The following ZNF438 variants were observed in gnomAD, a reference collection of about 807,000 sequenced individuals.
ZNF438 encodes zinc finger protein 438.
In ZNF438, 25 loss-of-function variants were observed where a neutral mutation model predicts 38.0. The observed-to-expected ratio is 0.66, with a 90% CI of 0.48 to 0.92. The LOEUF (loss-of-function observed/expected upper bound fraction) is 0.92. Ranked by LOEUF, ZNF438 falls within the 40% of genes least tolerant of loss-of-function variation. The pLI is 0.00. For synonymous variants in ZNF438, 372 were observed against 364.1 expected, an observed-to-expected ratio of 1.02 and a Z score of -0.25; for missense variants, 1,007 against 999.6, an observed-to-expected ratio of 1.01 and a Z score of -0.10.
At chr10:30,973,277 C>T (rs2050951635) in intron 1 of ZNF438, among the ~76,000 whole-genome samples, 1 of 152,172 alleles carries the variant, frequency 6.6e-6, no homozygotes, top group African/African-American at 2.4e-5. Flanking sequence ...TCATATCCCT[C>T]AGGACTATAA....
intron 1 of ZNF438, among the ~76,000 whole-genome samples, chr10:31,018,201 C>T (rs1427056462): frequency 6.6e-6 from 1 of 152,208 alleles, no homozygotes; most frequent in Non-Finnish European, 1.5e-5. Context: ...TTTTCCAACA[C>T]TGCAATGCCC....
exon 5 of ZNF438, chr10:30,848,591 G>A (rs759437422): frequency 6.2e-7 from 1 of 1,613,754 alleles, no homozygotes; most frequent in African/African-American, 1.3e-5. Flanking sequence ...TATGTCTCCT[G>A]GCTGCAGTTC....
chr10:30,914,491 A>G (rs2043393906), intron 2 of ZNF438, among the ~76,000 whole-genome samples: 1 of 152,068 alleles, frequency 6.6e-6, no homozygotes, highest in Admixed American at 6.6e-5. Flanking sequence ...GAAAATCTGA[A>G]TAAGATCTAG....
rs371743569 is a variant in ZNF438, at chr10:30,849,193, G to A, written c.1212C>T (p.Ile404=). The A allele has an allele frequency of 7.6e-5, 123 of 1,613,970 alleles. 1 individual carries two copies. The highest frequency in any genetic ancestry group is 4.9e-4 in the Middle Eastern group (3 of 6,062). Residue 404 remains isoleucine, a synonymous_variant, in exon 5 of 6, where the codon ATC becomes ATT. Coordinates refer to ENST00000413025, the Ensembl canonical transcript of ZNF438. ...CTTTACCATCTCTACACTTATTAAT[G>A]ATATATTTCCTCCTTTTTCCCTGAA...
intron 1 of ZNF438, among the ~76,000 whole-genome samples, chr10:30,942,981 G>A (rs573783597): frequency 1.3e-5 from 2 of 152,294 alleles, no homozygotes; most frequent in Admixed American, 1.3e-4. Flanking sequence ...TTTCAGAAAG[G>A]CAATAAAAGT....
chr10:30,962,672 T>C (rs10826898), intron 1 of ZNF438, among the ~76,000 whole-genome samples: 67,522 of 146,332 alleles, frequency 0.46, 19,713 homozygotes, highest in Non-Finnish European at 0.52. Flanking sequence ...TCTAGGTCTT[T>C]ACAAAAATAC....
intron 1 of ZNF438, among the ~76,000 whole-genome samples, chr10:30,969,521 A>G (rs2136197658): frequency 6.6e-6 from 1 of 152,366 alleles, no homozygotes; most frequent in African/African-American, 2.4e-5. Flanking sequence ...TAATACTTAT[A>G]TTAGGAAAAC....
intron 1 of ZNF438, among the ~76,000 whole-genome samples, chr10:31,005,304 TAC>T (rs2055021501): frequency 6.6e-6 from 1 of 152,202 alleles, no homozygotes. Context: ...TACATGCACG[TAC>T]GTAAATGGAA....
At chr10:30,967,113 T>C (rs2050205930) in intron 1 of ZNF438, among the ~76,000 whole-genome samples, 1 of 152,206 alleles carries the variant, frequency 6.6e-6, no homozygotes, top group Non-Finnish European at 1.5e-5. Flanking sequence ...GCAAAAGTAC[T>C]CCTTTTCCCT....
intron 1 of ZNF438, among the ~76,000 whole-genome samples, chr10:30,972,589 G>A (rs1163281035): frequency 6.6e-6 from 1 of 152,118 alleles, no homozygotes; most frequent in Non-Finnish European, 1.5e-5. Flanking sequence ...GCTCAGGCAT[G>A]GAGGTAAGCC....
intron 1 of ZNF438, among the ~76,000 whole-genome samples, chr10:31,004,115 T>C (rs1222612791): frequency 6.6e-6 from 1 of 152,088 alleles, no homozygotes; most frequent in Non-Finnish European, 1.5e-5. Context: ...GACATTTTGA[T>C]TGTCACAATA....
chr10:30,942,813 G>C (rs2046957929), intron 1 of ZNF438, among the ~76,000 whole-genome samples: 1 of 152,150 alleles, frequency 6.6e-6, no homozygotes, highest in Admixed American at 6.5e-5. Flanking sequence ...TAAGTCAATA[G>C]AACAGTTTGC....
chr10:30,982,615 T>A (rs1026795467), intron 1 of ZNF438, among the ~76,000 whole-genome samples: 10 of 152,182 alleles, frequency 6.6e-5, no homozygotes, highest in African/African-American at 2.2e-4. Flanking sequence ...AGTGTCTATA[T>A]CCTTTAAGTA....
At chr10:30,980,770 G>A (rs960297128) in intron 1 of ZNF438, among the ~76,000 whole-genome samples, 4 of 152,180 alleles carry the variant, frequency 2.6e-5, no homozygotes, top group African/African-American at 7.2e-5. Context: ...CCTGAGAAAT[G>A]TCAACTTTTA....
chr10:30,927,434 G>T (rs554689736), intron 2 of ZNF438, among the ~76,000 whole-genome samples: 1 of 152,300 alleles, frequency 6.6e-6, no homozygotes, highest in South Asian at 2.1e-4. Context: ...GCAGAATCAG[G>T]TCCTGAGAAC....
intron 4 of ZNF438, among the ~76,000 whole-genome samples, chr10:30,866,161 T>C (rs1316411058): frequency 2.0e-5 from 3 of 152,218 alleles, no homozygotes; most frequent in Non-Finnish European, 4.4e-5. Flanking sequence ...GCCTTTTTAA[T>C]ATTCTGTGAT....
rs1016626523 is a variant in ZNF438, at chr10:30,962,635, G to A, written c.-191-20984C>T. ...GCAAACCACCAAAACCTTTAATCACGGATCACTTAGTAATATCTTGAAAGA... is the reference window on the plus strand; with the variant it reads ...GCAAACCACCAAAACCTTTAATCACAGATCACTTAGTAATATCTTGAAAGA... On this transcript the variant is annotated intron_variant, in intron 1 of 5. Coordinates refer to ENST00000413025, the Ensembl canonical transcript of ZNF438. Among the ~76,000 whole-genome samples, 9 of 147,104 alleles carry A rather than the reference G, an allele frequency of 6.1e-5. 3 individuals are homozygous for A. The highest frequency in any genetic ancestry group is 1.5e-5 in the Non-Finnish European group (1 of 64,938).
exon 4 of ZNF438, chr10:30,877,026 A>G (rs1277763817): frequency 3.1e-6 from 5 of 1,606,138 alleles, no homozygotes; most frequent in African/African-American, 1.3e-5. Context: ...CTGATACAGA[A>G]TTCTGCATTA....
intron 4 of ZNF438, among the ~76,000 whole-genome samples, chr10:30,860,174 G>C (rs902881584): frequency 6.6e-6 from 1 of 152,168 alleles, no homozygotes; most frequent in Non-Finnish European, 1.5e-5. Flanking sequence ...CATCGGACCC[G>C]CATTCCAGAG....
Sources: allele counts gnomAD v4.1 joint callset (sites outside exome capture counted in the v4.1 genomes callset), GRCh38; gene constraint gnomAD v4.1.1; transcripts MANE v1.5; gene names NCBI Gene and HGNC (gene_info 2026-07-23, HGNC 2026-07-21).